The following ABCG2 variants were observed in gnomAD, a reference collection of about 807,000 sequenced individuals.
The protein encoded by ABCG2 is broad substrate specificity ATP-binding cassette transporter ABCG2.
ABCG2 carries 80 observed loss-of-function variants against 73.5 expected under a neutral mutation model. The ratio of observed to expected loss-of-function variants is 1.09; its 90% CI spans 0.91 to 1.31. The LOEUF (loss-of-function observed/expected upper bound fraction) is 1.31. ABCG2 is among the 50% of genes most tolerant of loss of function. The probability of loss-of-function intolerance (pLI) is 0.00; values close to 1 mark genes in which losing one functional copy is unlikely to be tolerated. For synonymous variants in ABCG2, 269 were observed against 282.4 expected, an observed-to-expected ratio of 0.95 and a Z score of 0.48; for missense variants, 796 against 786.2, an observed-to-expected ratio of 1.01 and a Z score of -0.15.
intron 1 of ABCG2, among the ~76,000 whole-genome samples, chr4:88,218,276 C>T (rs1450189750): frequency 1.3e-5 from 2 of 152,140 alleles, no homozygotes; most frequent in Admixed American, 6.6e-5. Flanking sequence ...CCCTTCTCAC[C>T]GTCTAACATA....
intron 1 of ABCG2, among the ~76,000 whole-genome samples, chr4:88,206,018 T>C (rs1729363568): frequency 6.6e-6 from 1 of 152,248 alleles, no homozygotes. Context: ...TCTTCCAAGC[T>C]AGTCTCTGCC....
chr4:88,167,257 A>G (rs371705701), intron 1 of ABCG2, among the ~76,000 whole-genome samples: 4 of 151,680 alleles, frequency 2.6e-5, no homozygotes, highest in African/African-American at 9.7e-5. Flanking sequence ...CTGAATGTCA[A>G]CCAGGGGCAC....
At chr4:88,210,961 CA>C (rs1412015869) in intron 1 of ABCG2, among the ~76,000 whole-genome samples, 3 of 151,974 alleles carry the variant, frequency 2.0e-5, no homozygotes, top group Non-Finnish European at 2.9e-5. Context: ...CCTGTATTCC[CA>C]GCTACTCAGG....
At position 88,218,251 on chromosome 4, in the gene ABCG2, T is replaced by C. The variant is rs372962026; in HGVS notation, c.-20+12743A>G. Reference sequence around the variant, plus strand: ...TTGCCTTCCTGATTACTTCTTACTATGCATCTGTCTGTAACCCTTCTCACC... The same window carrying C: ...TTGCCTTCCTGATTACTTCTTACTACGCATCTGTCTGTAACCCTTCTCACC... On this transcript the variant is annotated intron_variant, in intron 1 of 15. Coordinates refer to the ABCG2 transcript ENST00000515655. Among the ~76,000 whole-genome samples, 40 of 152,332 alleles carry C rather than the reference T, an allele frequency of 2.6e-4. No homozygotes were observed. The East Asian group carries it at 3.9e-3, about 15-fold the overall frequency.
chr4:88,105,187 A>T (rs1244837466), intron 10 of ABCG2, among the ~76,000 whole-genome samples: 2 of 152,240 alleles, frequency 1.3e-5, no homozygotes, highest in Admixed American at 1.3e-4. Context: ...ACACTATCTG[A>T]TTCCATACAA....
At chr4:88,133,615 T>C (rs1352417088) in intron 2 of ABCG2, among the ~76,000 whole-genome samples, 4 of 152,162 alleles carry the variant, frequency 2.6e-5, no homozygotes, top group Non-Finnish European at 4.4e-5. Flanking sequence ...ATTATGGCAG[T>C]GTTGACTGTG....
chr4:88,094,686 G>A, intron 14 of ABCG2, 27 bp from the exon 15 acceptor site: 1 of 1,569,720 alleles, frequency 6.4e-7, no homozygotes, highest in Non-Finnish European at 8.8e-7. Flanking sequence ...AGCAGGGCAA[G>A]GTAAACAGTT....
At chr4:88,146,714 G>C (rs1726030770) in intron 1 of ABCG2, among the ~76,000 whole-genome samples, 1 of 151,804 alleles carries the variant, frequency 6.6e-6, no homozygotes. Flanking sequence ...AATTTTTATA[G>C]CAAATTTAGC....
chr4:88,167,738 T>A (rs1490867463), intron 1 of ABCG2, among the ~76,000 whole-genome samples: 1 of 152,140 alleles, frequency 6.6e-6, no homozygotes, highest in Admixed American at 6.5e-5. Context: ...TCTTGATATG[T>A]TAGAGTCATC....
chr4:88,140,668 G>A (rs547886034), intron 1 of ABCG2, among the ~76,000 whole-genome samples: 1 of 152,174 alleles, frequency 6.6e-6, no homozygotes, highest in African/African-American at 2.4e-5. Flanking sequence ...TAATTGCGGA[G>A]TTTATAGCAT....
chr4:88,148,795 T>C (rs1726239505), intron 1 of ABCG2, among the ~76,000 whole-genome samples: 1 of 152,172 alleles, frequency 6.6e-6, no homozygotes. Context: ...GAGCACAGTT[T>C]TCTGACATTG....
chr4:88,186,737 G>A (rs1272860437), intron 1 of ABCG2, among the ~76,000 whole-genome samples: 3 of 151,254 alleles, frequency 2.0e-5, no homozygotes, highest in Admixed American at 6.6e-5. Flanking sequence ...GGCTAAAACG[G>A]TGAAACCCCG....
chr4:88,125,885 A>G (rs981844476), intron 5 of ABCG2, among the ~76,000 whole-genome samples: 7 of 152,144 alleles, frequency 4.6e-5, no homozygotes, highest in African/African-American at 1.7e-4. Context: ...GAGAAGCAAT[A>G]GCAAACAAGT....
rs765057303 is a variant in ABCG2 at position 88,131,142 on chromosome 4, T to C, written c.450A>G (p.Thr150=). The C allele has an allele frequency of 1.2e-6, 2 of 1,614,162 alleles. No individual in the cohort carries two copies. ...LQFSAALRLA[T]TMTNHEKNER... ...CGTTTTTTTCATGATTCGTCATAGT[T>C]GTTGCAAGCCGAAGAGCTGCTGAGA... Residue 150 remains threonine, a synonymous_variant, in exon 5 of 16, where the codon ACA becomes ACG. Transcript: ENST00000237612.
intron 1 of ABCG2, among the ~76,000 whole-genome samples, chr4:88,144,879 CTT>C (rs1424120914): frequency 7.9e-5 from 12 of 152,052 alleles, no homozygotes; most frequent in Non-Finnish European, 4.4e-5. Context: ...TTATCAAACT[CTT>C]AATTGTATAG....
intron 1 of ABCG2, among the ~76,000 whole-genome samples, chr4:88,209,807 G>A (rs1364682614): frequency 6.6e-6 from 1 of 152,182 alleles, no homozygotes; most frequent in East Asian, 1.9e-4. Flanking sequence ...AAAATAATAA[G>A]TAATGATAAG....
chr4:88,143,382 G>A (rs1370133607), intron 1 of ABCG2, among the ~76,000 whole-genome samples: 1 of 152,150 alleles, frequency 6.6e-6, no homozygotes, highest in Non-Finnish European at 1.5e-5. Context: ...TTCAGCCACT[G>A]AGGAAAAGAC....
intron 1 of ABCG2, among the ~76,000 whole-genome samples, chr4:88,195,719 C>CT (rs1489352839): frequency 3.3e-5 from 5 of 152,222 alleles, no homozygotes; most frequent in African/African-American, 9.7e-5. Flanking sequence ...GTTTTATACA[C>CT]TGGCATACTT....
At position 88,139,960 on chromosome 4, in the gene ABCG2, C is replaced by T. The variant is rs1725514592; in HGVS notation, c.36G>A (p.Val12=). The change falls in exon 2 of 16, where the codon GTG becomes GTA. Residue 12 remains valine (V), a synonymous_variant. Coordinates refer to ENST00000237612, the MANE Select transcript of ABCG2 (RefSeq NM_004827.3). ...GGAAGCCATTGGTGTTTCCTTGTGA[C>T]ACTGGGATAAAAACTTCGACATTAC... ...SSSNVEVFIP[V]SQGNTNGFPA... The T allele has an allele frequency of 6.8e-6, 11 of 1,614,070 alleles. No homozygotes were observed. Among genetic ancestry groups the T allele is most frequent in the African/African-American group, 1.3e-5 (1 of 75,038 alleles).
Sources: allele counts gnomAD v4.1 joint callset (sites outside exome capture counted in the v4.1 genomes callset), GRCh38; gene constraint gnomAD v4.1.1; transcripts MANE v1.5; gene names NCBI Gene and HGNC (gene_info 2026-07-23, HGNC 2026-07-21).